The following CHLSN variants were observed in gnomAD, a reference collection of about 807,000 sequenced individuals.
CHLSN encodes protein cholesin.
chr7:995,216 C>T, the CHLSN span, among the ~76,000 whole-genome samples: 12 of 152,198 alleles, frequency 7.9e-5, no homozygotes, highest in African/African-American at 2.7e-4. Flanking sequence ...GGTAGGGAGA[C>T]CCCAGGGCAT....
At chr7:1,099,858 G>C in the CHLSN span, among the ~76,000 whole-genome samples, 1 of 152,236 alleles carries the variant, frequency 6.6e-6, no homozygotes, top group Non-Finnish European at 1.5e-5. Context: ...ACAAGGGTAC[G>C]TCATTCAGGC....
chr7:1,020,544 C>T, the CHLSN span, among the ~76,000 whole-genome samples: 2 of 152,222 alleles, frequency 1.3e-5, no homozygotes, highest in African/African-American at 4.8e-5. Flanking sequence ...GGGGCTGTAG[C>T]GGGTTGGGGA....
the CHLSN span, among the ~76,000 whole-genome samples, chr7:1,099,158 TCGCGTTCCTG>T: frequency 7.5e-6 from 1 of 133,392 alleles, no homozygotes; most frequent in Non-Finnish European, 1.6e-5. Flanking sequence ...AGCCTCGCTG[TCGCGTTCCTG>T]CAGCCGGCCT....
the CHLSN span, among the ~76,000 whole-genome samples, chr7:1,084,710 C>T: frequency 6.6e-6 from 1 of 152,308 alleles, no homozygotes; most frequent in African/African-American, 2.4e-5. Context: ...CGCACCCCCA[C>T]TGTACAGATG....
chr7:1,072,374 C>T, the CHLSN span, among the ~76,000 whole-genome samples: 122 of 152,352 alleles, frequency 8.0e-4, no homozygotes, highest in African/African-American at 2.7e-3. Flanking sequence ...GGGCAGACAC[C>T]GGTTGGCCCT....
At chr7:1,073,673 G>A in the CHLSN span, among the ~76,000 whole-genome samples, 15 of 136,268 alleles carry the variant, frequency 1.1e-4, no homozygotes, top group East Asian at 2.5e-3. Flanking sequence ...GCACCCCGCC[G>A]CCGTGACGCC....
chr7:1,131,223 G>T, the CHLSN span, among the ~76,000 whole-genome samples: 1 of 149,552 alleles, frequency 6.7e-6, no homozygotes, highest in African/African-American at 2.5e-5. Context: ...AAAGAGTAAA[G>T]CAGGATAGGT....
the CHLSN span, among the ~76,000 whole-genome samples, chr7:1,049,854 C>T: frequency 6.6e-6 from 1 of 152,200 alleles, no homozygotes; most frequent in Non-Finnish European, 1.5e-5. Flanking sequence ...ACCAAGGTCC[C>T]GTGCGAGGAG....
chr7:1,097,770 G>A, the CHLSN span, among the ~76,000 whole-genome samples: 1 of 152,194 alleles, frequency 6.6e-6, no homozygotes, highest in Non-Finnish European at 1.5e-5. This position sits in a 1 kb window ranked among gnomAD's most constrained non-coding sequence, Gnocchi z 4.3. Context: ...CACCAACAAG[G>A]AGGCCGGTCC....
the CHLSN span, among the ~76,000 whole-genome samples, chr7:993,363 G>A: frequency 6.6e-6 from 1 of 152,126 alleles, no homozygotes; most frequent in Non-Finnish European, 1.5e-5. Context: ...GATCTGTGCA[G>A]GGACAGGCAG....
chr7:1,032,054 C>A, the CHLSN span, among the ~76,000 whole-genome samples: 37 of 152,078 alleles, frequency 2.4e-4, 1 homozygote, highest in Non-Finnish European at 4.4e-5. Context: ...CTGAGTCATT[C>A]AAAAAAGACA....
At chr7:1,048,388 C>T in the CHLSN span, among the ~76,000 whole-genome samples, 52 of 152,214 alleles carry the variant, frequency 3.4e-4, no homozygotes, top group African/African-American at 1.1e-3. Flanking sequence ...CTGCTGGTTT[C>T]TGTTTCTGCC....
chr7:1,118,578 G>T, the CHLSN span, among the ~76,000 whole-genome samples: 5 of 151,806 alleles, frequency 3.3e-5, no homozygotes, highest in South Asian at 1.0e-3. Flanking sequence ...TCAATAAGTC[G>T]CAAAAAAATG....
the CHLSN span, among the ~76,000 whole-genome samples, chr7:1,103,800 C>G: frequency 6.6e-6 from 1 of 152,248 alleles, no homozygotes. Context: ...GTCCCCACTT[C>G]ACGGTGAGAC....
At chr7:1,136,437 T>C in the CHLSN span, among the ~76,000 whole-genome samples, 2 of 117,226 alleles carry the variant, frequency 1.7e-5, no homozygotes, top group South Asian at 2.3e-4. Flanking sequence ...TATAAACATA[T>C]ATATAAATAT....
chr7:980,377 C>T, the CHLSN span, among the ~76,000 whole-genome samples: 1 of 152,234 alleles, frequency 6.6e-6, no homozygotes, highest in African/African-American at 2.4e-5. Flanking sequence ...GTCCCAAGTT[C>T]CACTTGAGCA....
At chr7:1,026,249 G>C in the CHLSN span, 1 of 152,226 alleles carries the variant, frequency 6.6e-6, no homozygotes, top group Non-Finnish European at 1.5e-5. Context: ...CGTTTCTTTC[G>C]CTACTATTGG....
the CHLSN span, among the ~76,000 whole-genome samples, chr7:1,112,805 G>C: frequency 6.6e-6 from 1 of 152,008 alleles, no homozygotes; most frequent in East Asian, 1.9e-4. Flanking sequence ...AAAACGGCAC[G>C]GCCACTCTGG....
chr7:1,133,343 G>T, the CHLSN span, among the ~76,000 whole-genome samples: 1 of 131,836 alleles, frequency 7.6e-6, no homozygotes, highest in Non-Finnish European at 1.6e-5. Flanking sequence ...GAAGGAAAAA[G>T]TCTTAAAATT....
Sources: gnomAD v4.1 joint callset for allele counts (sites outside exome capture counted in the v4.1 genomes callset) on GRCh38, gnomAD v4.1.1 for gene constraint, Gnocchi (gnomAD v3.1) non-coding constraint, MANE v1.5 for transcripts, NCBI Gene and HGNC (gene_info 2026-07-23, HGNC 2026-07-21) for gene names.